GNAS-AS1: variants seen among roughly 807,000 people sequenced by gnomAD.
GNAS-AS1 encodes GNAS antisense RNA 1 (non-protein coding).
At chr20:58,845,789 C>T (rs2085920357) in intron 2 of GNAS-AS1, among the ~76,000 whole-genome samples, 1 of 152,202 alleles carries the variant, frequency 6.6e-6, no homozygotes, top group African/African-American at 2.4e-5. Flanking sequence ...AGCCTAGTGA[C>T]TTAGTTCTCC....
intron 4 of GNAS-AS1, among the ~76,000 whole-genome samples, chr20:58,835,863 T>C (rs911513587): frequency 3.9e-5 from 6 of 152,244 alleles, no homozygotes; most frequent in Admixed American, 3.9e-4. Context: ...AATTAACAGA[T>C]GGACTTGACT....
intron 4 of GNAS-AS1, chr20:58,839,371 AT>A: frequency 2.5e-6 from 1 of 399,576 alleles, no homozygotes; most frequent in Non-Finnish European, 4.4e-6. Flanking sequence ...ACAGACCCTC[AT>A]TCCCCTGAAT....
chr20:58,820,747 G>A (rs763238744), intron 4 of GNAS-AS1, among the ~76,000 whole-genome samples: 2 of 152,256 alleles, frequency 1.3e-5, no homozygotes, highest in Admixed American at 1.3e-4. Context: ...AAGAGAGAGA[G>A]CGCTTGCGCA....
At chr20:58,820,422 G>T (rs1484800440) in intron 4 of GNAS-AS1, among the ~76,000 whole-genome samples, 1 of 152,198 alleles carries the variant, frequency 6.6e-6, no homozygotes, top group Admixed American at 6.5e-5. Flanking sequence ...AGCTCTCCAA[G>T]GGTGCCCCAC....
chr20:58,832,901 G>A (rs889994519), intron 4 of GNAS-AS1, among the ~76,000 whole-genome samples: 2 of 152,190 alleles, frequency 1.3e-5, no homozygotes, highest in Non-Finnish European at 2.9e-5. Flanking sequence ...GAATGCTTAT[G>A]GTCAAAAATC....
At chr20:58,830,955 T>C (rs1268282985) in intron 4 of GNAS-AS1, among the ~76,000 whole-genome samples, 1 of 152,038 alleles carries the variant, frequency 6.6e-6, no homozygotes, top group Non-Finnish European at 1.5e-5. Context: ...TAAAAACAGA[T>C]ATAAAACGAG....
intron 4 of GNAS-AS1, among the ~76,000 whole-genome samples, chr20:58,829,597 A>G (rs528018866): frequency 6.6e-6 from 1 of 152,240 alleles, no homozygotes; most frequent in South Asian, 2.1e-4. Flanking sequence ...TGGCAAATAC[A>G]CTATTCCTCG....
rs367861404 is a variant in GNAS-AS1 at position 58,840,322 on chromosome 20, C to T, written n.819+1615G>A. ...TCCTTAACGCCCACCACCGCTCCGG[C>T]GCCCAGGTATTCCCTGAGTCCCCCG... On this transcript the variant is annotated intron_variant and non_coding_transcript_variant, in intron 4 of 4. Transcript: ENST00000424094. This position sits in a 1 kb window ranked among gnomAD's most constrained non-coding sequence, Gnocchi z 6.0. 6.2e-7 allele frequency: 1 copy of T among 1,612,954 alleles called. No homozygotes were observed. The highest frequency in any genetic ancestry group is 8.5e-7 in the Non-Finnish European group (1 of 1,179,988).
chr20:58,839,958 TCTC>T lies in GNAS-AS1; in HGVS notation n.819+1976_819+1978del, dbSNP rs922895264. The T allele has an allele frequency of 6.5e-6, 5 of 766,748 alleles. No homozygotes were observed. In the Admixed American group the frequency reaches 1.0e-4, roughly 16 times the overall value. The allele number at this position is 766,748 out of a possible 1,614,324, so 47.5% of individuals were successfully genotyped here. On this transcript the variant is annotated intron_variant and non_coding_transcript_variant, in intron 4 of 4. Transcript: ENST00000424094. Reference sequence around the variant, plus strand: ...TCAGGAAGGTAGGTGCTTCCCTTTTTCTCCTCACAAGGAGGTGAGGCTGGGACC... The same window carrying T: ...TCAGGAAGGTAGGTGCTTCCCTTTTTCTCACAAGGAGGTGAGGCTGGGACC...
intron 2 of GNAS-AS1, among the ~76,000 whole-genome samples, chr20:58,845,614 A>C (rs926910832): frequency 2.0e-5 from 3 of 150,156 alleles, no homozygotes; most frequent in African/African-American, 7.3e-5. Context: ...TTTCTTACAT[A>C]TCAAAAGGCC....
intron 4 of GNAS-AS1, among the ~76,000 whole-genome samples, chr20:58,837,818 A>G (rs1482905789): frequency 1.3e-5 from 2 of 152,252 alleles, no homozygotes; most frequent in African/African-American, 2.4e-5. Context: ...GCAGAAAGGA[A>G]AACCTCAACA....
At chr20:58,839,859 C>A (rs1600653163) in intron 4 of GNAS-AS1, 1 of 596,646 alleles carries the variant, frequency 1.7e-6, no homozygotes, top group Non-Finnish European at 3.0e-6. Flanking sequence ...ACAGAACTTT[C>A]CCCTTTTTTC....
intron 4 of GNAS-AS1, among the ~76,000 whole-genome samples, chr20:58,829,741 C>A (rs911882987): frequency 1.1e-4 from 17 of 152,162 alleles, no homozygotes; most frequent in African/African-American, 3.1e-4. Flanking sequence ...CCCTGCCTTG[C>A]CCAAATATAG....
At chr20:58,823,500 C>T (rs372044489) in intron 4 of GNAS-AS1, among the ~76,000 whole-genome samples, 4 of 152,184 alleles carry the variant, frequency 2.6e-5, no homozygotes, top group East Asian at 3.9e-4. Context: ...CTGGAGCATG[C>T]GGTGATGTCC....
intron 4 of GNAS-AS1, chr20:58,839,467 G>C: frequency 2.5e-6 from 1 of 400,392 alleles, no homozygotes; most frequent in African/African-American, 2.1e-5. Flanking sequence ...GGAGGGGCAC[G>C]ACCCCACGGG....
chr20:58,838,951 G>A (rs2085638587), intron 4 of GNAS-AS1: 1 of 387,642 alleles, frequency 2.6e-6, no homozygotes, highest in Admixed American at 4.5e-5. Context: ...ACCTACCTAG[G>A]AAATGGCTGT....
chr20:58,839,634 C>A (rs1262781283), intron 4 of GNAS-AS1: 1 of 428,140 alleles, frequency 2.3e-6, no homozygotes, highest in Non-Finnish European at 4.1e-6. Context: ...GCCACAGGCT[C>A]GGCGCCACCA....
At chr20:58,831,389 C>G (rs577552928) in intron 4 of GNAS-AS1, among the ~76,000 whole-genome samples, 31 of 152,014 alleles carry the variant, frequency 2.0e-4, no homozygotes, top group Non-Finnish European at 3.4e-4. Flanking sequence ...ATTTAAAAAA[C>G]AACATCAGCG....
chr20:58,837,596 A>G (rs1180601424), intron 4 of GNAS-AS1, among the ~76,000 whole-genome samples: 1 of 152,226 alleles, frequency 6.6e-6, no homozygotes. Flanking sequence ...GCGTGCGTCA[A>G]CACGCCTGGC....
Sources: allele counts gnomAD v4.1 joint callset (sites outside exome capture counted in the v4.1 genomes callset), GRCh38; gene constraint gnomAD v4.1.1; non-coding constraint Gnocchi (gnomAD v3.1); transcripts MANE v1.5; gene names NCBI Gene and HGNC (gene_info 2026-07-23, HGNC 2026-07-21).